The following ZBTB20 variants were observed in gnomAD, a reference collection of about 807,000 sequenced individuals.
ZBTB20 encodes the protein zinc finger and BTB domain-containing protein 20.
In ZBTB20, 9 loss-of-function variants were observed where a neutral mutation model predicts 56.9. The ratio of observed to expected loss-of-function variants is 0.16; its 90% CI spans 0.10 to 0.28. ZBTB20 has a LOEUF of 0.28. Ranked by LOEUF, ZBTB20 falls within the 10% of genes least tolerant of loss-of-function variation. The pLI, the probability that ZBTB20 is intolerant of heterozygous loss-of-function variation, is 1.00. For synonymous variants in ZBTB20, 417 were observed against 420.7 expected, an observed-to-expected ratio of 0.99 and a Z score of 0.11; for missense variants, 655 against 1,003.0, an observed-to-expected ratio of 0.65 and a Z score of 4.69.
At chr3:114,738,543 A>G (rs1176002547) in intron 5 of ZBTB20, among the ~76,000 whole-genome samples, 2 of 152,178 alleles carry the variant, frequency 1.3e-5, no homozygotes, top group Non-Finnish European at 2.9e-5. Flanking sequence ...CAAGGGTTTT[A>G]GAGAGGTTAG....
At chr3:114,408,568 T>A (rs1015503881) in intron 7 of ZBTB20, among the ~76,000 whole-genome samples, 2 of 152,124 alleles carry the variant, frequency 1.3e-5, no homozygotes, top group African/African-American at 4.8e-5. Flanking sequence ...TCAATGTTTT[T>A]AAATTCCATA....
chr3:114,898,825 G>T (rs2074992664), intron 4 of ZBTB20, among the ~76,000 whole-genome samples: 1 of 152,212 alleles, frequency 6.6e-6, no homozygotes, highest in South Asian at 2.1e-4. Context: ...AATACCGACG[G>T]AAACTCCTCA....
intron 3 of ZBTB20, among the ~76,000 whole-genome samples, chr3:114,959,714 T>TGTAC (rs2077375236): frequency 9.1e-6 from 1 of 110,166 alleles, no homozygotes; most frequent in Non-Finnish European, 1.9e-5. Context: ...TCTATATTTA[T>TGTAC]ATACATACAC....
rs945476285 is a variant in ZBTB20 at position 114,732,905 on chromosome 3, T to A, written c.-342-39330A>T. On this transcript the variant is annotated intron_variant, in intron 5 of 11. Transcript: ENST00000675478. The stretch of plus-strand genomic sequence containing the variant: ...GAAGGGCTAGAGATCACACACTGAA[T>A]GTGGGAAACTAGGCCAGTCAGACAT... Among the ~76,000 whole-genome samples the A allele has an allele frequency of 5.3e-5, 8 of 152,126 alleles. No homozygotes were observed. In the South Asian group the frequency reaches 1.0e-3, roughly 20 times the overall value.
chr3:114,487,423 TGTTTGCCTCTC>T (rs1478435156), intron 7 of ZBTB20, among the ~76,000 whole-genome samples: 5 of 152,214 alleles, frequency 3.3e-5, no homozygotes, highest in Admixed American at 3.3e-4. Flanking sequence ...GACTCTAACA[TGTTTGCCTCTC>T]TTTTGCTTCC....
intron 4 of ZBTB20, among the ~76,000 whole-genome samples, chr3:114,822,847 T>A (rs1263317325): frequency 6.6e-6 from 1 of 152,056 alleles, no homozygotes; most frequent in Non-Finnish European, 1.5e-5. Flanking sequence ...CAGATCCTTT[T>A]AATACCATGG....
rs6782234 is a variant in ZBTB20, at chr3:115,036,318, C to T, written c.-507+34901G>A. Reference sequence around the variant, plus strand: ...TTTTTTTTTCTTTCTTTTTTTTTTCCGAGACGGAGTCTCGCTCTGTCGCCA... The same window carrying T: ...TTTTTTTTTCTTTCTTTTTTTTTTCTGAGACGGAGTCTCGCTCTGTCGCCA... On this transcript the variant is annotated intron_variant, in intron 2 of 11. Transcript: ENST00000675478. 4.3e-3 allele frequency among the ~76,000 whole-genome samples: 653 copies of T among 150,510 alleles called. 6 individuals are homozygous for T. Among genetic ancestry groups the T allele is most frequent in the African/African-American group, 0.015 (611 of 41,020 alleles).
chr3:114,668,478 A>G (rs1443665510), intron 6 of ZBTB20, among the ~76,000 whole-genome samples: 1 of 152,056 alleles, frequency 6.6e-6, no homozygotes, highest in Admixed American at 6.6e-5. Context: ...TTTGACAAGT[A>G]ATCTCCAATT....
intron 1 of ZBTB20, among the ~76,000 whole-genome samples, chr3:115,072,178 AG>A (rs756044035): frequency 5.3e-5 from 8 of 152,184 alleles, no homozygotes; most frequent in Non-Finnish European, 1.0e-4. Context: ...TACAGTTTTG[AG>A]GGTTTCCCAT....
At chr3:114,369,233 C>T (rs2082735472) in intron 10 of ZBTB20, among the ~76,000 whole-genome samples, 1 of 152,118 alleles carries the variant, frequency 6.6e-6, no homozygotes. Flanking sequence ...TTCTACATGC[C>T]ACACCAAGCT....
intron 5 of ZBTB20, among the ~76,000 whole-genome samples, chr3:114,793,462 T>C (rs1249305257): frequency 1.3e-5 from 2 of 152,156 alleles, no homozygotes; most frequent in African/African-American, 2.4e-5. Flanking sequence ...ATCAAGATGA[T>C]GCAGAAATGA....
intron 2 of ZBTB20, among the ~76,000 whole-genome samples, chr3:115,015,087 G>A (rs1483112757): frequency 6.6e-6 from 1 of 151,698 alleles, no homozygotes; most frequent in East Asian, 1.9e-4. Context: ...GCTGTGTGGT[G>A]GGTCTCAGAT....
At chr3:114,555,028 G>C (rs1464075102) in intron 6 of ZBTB20, among the ~76,000 whole-genome samples, 1 of 152,050 alleles carries the variant, frequency 6.6e-6, no homozygotes, top group Admixed American at 6.6e-5. Flanking sequence ...CAGCATACCA[G>C]AAAACTAGAG....
intron 4 of ZBTB20, among the ~76,000 whole-genome samples, chr3:114,849,909 T>TTC (rs1486322927): frequency 2.0e-5 from 3 of 148,648 alleles, no homozygotes; most frequent in South Asian, 2.2e-4. Flanking sequence ...TTTTTTTTTT[T>TTC]TTTTTTTTGA....
intron 11 of ZBTB20, among the ~76,000 whole-genome samples, chr3:114,345,662 T>G (rs13326539): frequency 0.47 from 71,861 of 151,886 alleles, 17,816 homozygotes; most frequent in East Asian, 0.87. Context: ...TACACAGATT[T>G]CTAGGCTCCA....
intron 3 of ZBTB20, among the ~76,000 whole-genome samples, chr3:114,967,943 C>T (rs1194281061): frequency 3.4e-5 from 5 of 146,352 alleles, no homozygotes; most frequent in South Asian, 2.1e-4. Context: ...GGTGACACAG[C>T]GAGACTCTGT....
At chr3:114,596,537 C>T (rs571262800) in intron 6 of ZBTB20, among the ~76,000 whole-genome samples, 8 of 152,250 alleles carry the variant, frequency 5.3e-5, no homozygotes, top group South Asian at 2.1e-4. Flanking sequence ...CATTCATTCA[C>T]TAAGAGCATG....
intron 5 of ZBTB20, among the ~76,000 whole-genome samples, chr3:114,779,403 A>T (rs1186139592): frequency 1.3e-5 from 2 of 152,130 alleles, no homozygotes; most frequent in Non-Finnish European, 2.9e-5. Flanking sequence ...TTTTCCTGTT[A>T]CTATCTTCTC....
Position 114,314,567 on chromosome 3 carries a change from T to C in ZBTB20, c.*24438A>G, listed in dbSNP as rs1420460948. On this transcript the variant is annotated 3_prime_UTR_variant, in exon 12 of 12. Coordinates refer to ENST00000675478, the MANE Select transcript of ZBTB20 (RefSeq NM_001348800.3). Reference sequence around the variant, plus strand: ...TCACAAACAGTGTGAACTTGTACAATACCTCGGAAAGTGAAACTTACAAAA... The same window carrying C: ...TCACAAACAGTGTGAACTTGTACAACACCTCGGAAAGTGAAACTTACAAAA... 1 of 149,412 alleles carries C rather than the reference T, an allele frequency of 6.7e-6. No individual in the cohort carries two copies. Among genetic ancestry groups the C allele is most frequent in the Non-Finnish European group, 1.5e-5 (1 of 67,432 alleles). The allele number at this position is 149,412 out of a possible 1,614,324, so 9.3% of individuals were successfully genotyped here. A position where few individuals can be genotyped will look rare whatever the true frequency, so the allele number is the denominator to read the frequency against.
Sources: gnomAD v4.1 joint callset for allele counts (sites outside exome capture counted in the v4.1 genomes callset) on GRCh38, gnomAD v4.1.1 for gene constraint, MANE v1.5 for transcripts, NCBI Gene and HGNC (gene_info 2026-07-23, HGNC 2026-07-21) for gene names.